Variants in WDFY3 observed in about 807,000 individuals in gnomAD.
The protein encoded by WDFY3 is WD repeat and FYVE domain containing 3, also known as WD repeat and FYVE domain-containing protein 3.
WDFY3 carries 66 observed loss-of-function variants against 409.6 expected under a neutral mutation model. The ratio of observed to expected loss-of-function variants is 0.16; its 90% confidence interval spans 0.13 to 0.20. WDFY3 has a LOEUF of 0.20. Among genes scored for constraint, WDFY3 ranks in the 10% least tolerant of loss-of-function variants. The pLI is 1.00. For synonymous variants in WDFY3, 1,521 were observed against 1,537.1 expected, an observed-to-expected ratio of 0.99 and a Z score of 0.25; for missense variants, 3,031 against 4,298.1, an observed-to-expected ratio of 0.71 and a Z score of 8.24.
chr4:84,859,152 G>A (rs1760191945), intron 4 of WDFY3, among the ~76,000 whole-genome samples: 1 of 151,920 alleles, frequency 6.6e-6, no homozygotes, highest in African/African-American at 2.4e-5. Context: ...ATTGAGACAG[G>A]AAGTCTGAGG....
intron 3 of WDFY3, among the ~76,000 whole-genome samples, chr4:84,880,664 G>C (rs1249878177): frequency 1.0e-5 from 1 of 96,632 alleles, no homozygotes. Flanking sequence ...TTGTCAATAA[G>C]GGAACCATAC....
chr4:84,844,483 T>A (rs1239542514), intron 5 of WDFY3: 1 of 1,289,494 alleles, frequency 7.8e-7, no homozygotes, highest in African/African-American at 1.5e-5. Context: ...TTGAAATCCT[T>A]GGGGGACAGC....
chr4:84,862,850 C>T (rs952646850), intron 3 of WDFY3, among the ~76,000 whole-genome samples: 2 of 152,140 alleles, frequency 1.3e-5, no homozygotes, highest in African/African-American at 4.8e-5. Flanking sequence ...ATTAGCCGGG[C>T]GTGGTGGCAG....
At chr4:84,876,020 TTTA>T (rs1342239335) in intron 3 of WDFY3, among the ~76,000 whole-genome samples, 1 of 152,250 alleles carries the variant, frequency 6.6e-6, no homozygotes, top group African/African-American at 2.4e-5. Flanking sequence ...AACATGGTAA[TTTA>T]TTATCATGTA....
chr4:84,754,466 ATTTAATGGTAATG>A (rs1277619853), intron 34 of WDFY3, among the ~76,000 whole-genome samples: 1 of 152,220 alleles, frequency 6.6e-6, no homozygotes, highest in African/African-American at 2.4e-5. Flanking sequence ...AAATTAATAC[ATTTAATGGTAATG>A]TTCTGTTCTT....
rs1198204869 is a variant in WDFY3, at chr4:84,966,213, G to C, written c.-230C>G. 1 of 151,480 alleles carries C rather than the reference G, an allele frequency of 6.6e-6. No homozygotes were observed. The highest frequency in any genetic ancestry group is 2.4e-5 in the African/African-American group (1 of 41,282). The allele number at this position is 151,480 out of a possible 1,614,324, so 9.4% of individuals were successfully genotyped here. A position where few individuals can be genotyped will look rare whatever the true frequency, so the allele number is the denominator to read the frequency against. ...GAGGATGGCGGGGGTACTCACCTGA[G>C]GGCCGGCGGAGGGCGCGGGCGGGAC... On this transcript the variant is annotated 5_prime_UTR_variant, in exon 1 of 68. Transcript: ENST00000295888.
intron 3 of WDFY3, among the ~76,000 whole-genome samples, chr4:84,866,021 T>C (rs1761341545): frequency 2.0e-5 from 3 of 152,044 alleles, no homozygotes; most frequent in Non-Finnish European, 4.4e-5. Context: ...CAGTGAGCCA[T>C]GAGCATGCCA....
At chr4:84,740,038 T>C (rs530564352) in intron 39 of WDFY3, 149 bp downstream of exon 39, 1 of 801,576 alleles carries the variant, frequency 1.2e-6, no homozygotes, top group Non-Finnish European at 1.9e-6. Flanking sequence ...CTGCAAAAAT[T>C]CAACACTTGC....
intron 3 of WDFY3, among the ~76,000 whole-genome samples, chr4:84,862,882 T>C (rs547723075): frequency 1.3e-5 from 2 of 152,286 alleles, no homozygotes; most frequent in African/African-American, 4.8e-5. Flanking sequence ...CTCCAGCCCC[T>C]GGCACCCACC....
intron 51 of WDFY3, among the ~76,000 whole-genome samples, chr4:84,711,279 C>T (rs1466318554): frequency 6.6e-6 from 1 of 152,080 alleles, no homozygotes; most frequent in African/African-American, 2.4e-5. Context: ...GGTCAGAATA[C>T]ATAAAAACAG....
At chr4:84,926,462 T>C (rs892580162) in intron 2 of WDFY3, among the ~76,000 whole-genome samples, 1 of 152,134 alleles carries the variant, frequency 6.6e-6, no homozygotes, top group African/African-American at 2.4e-5. Context: ...TTTCTGATTA[T>C]AAAAACTTTT....
rs1195394253 is a variant in WDFY3, at chr4:84,670,021, T to C, written c.*2847A>G. ...ACAGTTCATTTACCAAAACAAAATG[T>C]ATTTAAATGATACAAAGCAAAAATA... On this transcript the variant is annotated 3_prime_UTR_variant, in exon 68 of 68. Transcript: ENST00000295888. The C allele has an allele frequency of 6.6e-6, 1 of 152,654 alleles. No individual in the cohort carries two copies. Among genetic ancestry groups the C allele is most frequent in the Non-Finnish European group, 1.5e-5 (1 of 68,030 alleles). The allele number at this position is 152,654 out of a possible 1,614,324, so 9.5% of individuals were successfully genotyped here.
chr4:84,845,565 A>G (rs1757977925), intron 5 of WDFY3, among the ~76,000 whole-genome samples: 1 of 152,182 alleles, frequency 6.6e-6, no homozygotes, highest in African/African-American at 2.4e-5. Context: ...AAGAGGGTAG[A>G]TCCCATATTA....
intron 56 of WDFY3, among the ~76,000 whole-genome samples, chr4:84,701,656 G>A (rs899100844): frequency 6.6e-6 from 1 of 152,158 alleles, no homozygotes; most frequent in Admixed American, 6.5e-5. Context: ...CCAAGAAACT[G>A]TAACCAAAGT....
chr4:84,748,953 G>C (rs1198401544), intron 36 of WDFY3, among the ~76,000 whole-genome samples: 1 of 151,724 alleles, frequency 6.6e-6, no homozygotes, highest in Non-Finnish European at 1.5e-5. Flanking sequence ...ATGCAGTGGT[G>C]TAATTACGGC....
Position 84,669,862 on chromosome 4 carries a change from A to G in WDFY3, c.*3006T>C, listed in dbSNP as rs376616339. On this transcript the variant is annotated 3_prime_UTR_variant, in exon 68 of 68. Coordinates refer to ENST00000295888, the MANE Select transcript of WDFY3 (RefSeq NM_014991.6). Reference sequence around the variant, plus strand: ...GGCCATTACTAGGGCTTACAAGTTAATAACAGGACAAAAAATATACATTGC... The same window carrying G: ...GGCCATTACTAGGGCTTACAAGTTAGTAACAGGACAAAAAATATACATTGC... 1 of 152,462 alleles carries G rather than the reference A, an allele frequency of 6.6e-6. No homozygotes were observed. The highest frequency in any genetic ancestry group is 1.5e-5 in the Non-Finnish European group (1 of 68,022). 9.4% of individuals were successfully genotyped at this position (152,462 alleles called of 1,614,324 possible).
rs1731207286 is a variant in WDFY3 at position 84,702,472 on chromosome 4, T to C, written c.8477A>G (p.His2826Arg). The change falls in exon 56 of 68, where the codon CAC (histidine) becomes CGC (arginine). Residue 2826 changes from histidine (H) to arginine (R), a missense_variant. By Grantham distance (29) the His-to-Arg change is conservative. This residue lies in a region of WDFY3 where 129 missense variants were observed against 305.3 expected (regional missense o/e 0.42). Transcript: ENST00000295888. Reference protein sequence around the residue: ...GHFDLADRMFHSVREAWYSAS... With the variant: ...GHFDLADRMFRSVREAWYSAS... ...TGAATACCAGGCCTCGCGCACACTG[T>C]GAAACATCCGGTCAGCCAGGTCAAA... 6.2e-7 allele frequency: 1 copy of C among 1,612,474 alleles called. No homozygotes were observed. The highest frequency in any genetic ancestry group is 1.3e-5 in the African/African-American group (1 of 74,848).
chr4:84,819,486 C>T (rs1753766565), intron 12 of WDFY3, among the ~76,000 whole-genome samples: 1 of 151,946 alleles, frequency 6.6e-6, no homozygotes, highest in Admixed American at 6.6e-5. Context: ...GAACTTATTA[C>T]CTGAGAGTTG....
intron 1 of WDFY3, among the ~76,000 whole-genome samples, chr4:84,958,364 T>C (rs1019802343): frequency 1.1e-4 from 17 of 152,242 alleles, no homozygotes; most frequent in Admixed American, 3.9e-4. Context: ...ATTAATCCTA[T>C]GTTTAAGCAG....
Sources: allele counts gnomAD v4.1 joint callset (sites outside exome capture counted in the v4.1 genomes callset), GRCh38; gene constraint gnomAD v4.1.1; regional missense constraint gnomAD v4.1.1; transcripts MANE v1.5; gene names NCBI Gene and HGNC (gene_info 2026-07-23, HGNC 2026-07-21).